The following ERC2 variants were observed in gnomAD, a reference collection of about 807,000 sequenced individuals.
ERC2 encodes the protein ERC protein 2.
Under a neutral mutation model 114.8 loss-of-function variants are expected in ERC2, and 42 were observed. The observed-to-expected ratio is 0.37, with a 90% CI of 0.29 to 0.47. The LOEUF (loss-of-function observed/expected upper bound fraction) is 0.47. Among genes scored for constraint, ERC2 ranks in the 20% least tolerant of loss-of-function variants. The probability of loss-of-function intolerance (pLI) is 0.99; values close to 1 mark genes in which losing one functional copy is unlikely to be tolerated. For missense variants in ERC2, 939 were observed against 1,150.7 expected (o/e 0.82, Z 2.66); for synonymous variants, 454 against 425.5 (o/e 1.07, Z -0.82).
chr3:56,018,999 T>G lies in ERC2; in HGVS notation c.1674A>C (p.Lys558Asn). The G allele has an allele frequency of 6.2e-7, 1 of 1,612,640 alleles. No homozygotes were observed. The highest frequency in any genetic ancestry group is 8.5e-7 in the Non-Finnish European group (1 of 1,179,198). Reference protein sequence around the residue: ...IENLQEQLRDKDKQLTNLKDR... With the variant: ...IENLQEQLRDNDKQLTNLKDR... Reference sequence around the variant, plus strand: ...CTTTCAGGTTGGTCAGTTGCTTGTCTTTATCCCTAAGTTGTTCTTGCAAGT... The same window carrying G: ...CTTTCAGGTTGGTCAGTTGCTTGTCGTTATCCCTAAGTTGTTCTTGCAAGT... Residue 558 changes from lysine (K) to asparagine (N), a missense_variant, in exon 8 of 18, where the codon AAA becomes AAC. Physicochemically the swap from Lys to Asn is moderately conservative, Grantham distance 94 (BLOSUM62 0). Transcript: ENST00000288221.
chr3:55,676,862 G>A (rs1051461005), intron 17 of ERC2, among the ~76,000 whole-genome samples: 6 of 152,222 alleles, frequency 3.9e-5, no homozygotes, highest in South Asian at 2.1e-4. Flanking sequence ...GACGCCTCCC[G>A]CCTCTGGCCC....
At chr3:55,834,307 A>T (rs1559733733) in intron 14 of ERC2, among the ~76,000 whole-genome samples, 1 of 151,986 alleles carries the variant, frequency 6.6e-6, no homozygotes. Context: ...CAGAATATAC[A>T]TTTTTTTCAG....
At chr3:55,534,195 G>T (rs969935509) in intron 17 of ERC2, among the ~76,000 whole-genome samples, 3 of 152,230 alleles carry the variant, frequency 2.0e-5, no homozygotes, top group African/African-American at 7.2e-5. Flanking sequence ...AAGGTAGGAG[G>T]ATTGCTTGAG....
At chr3:55,560,017 G>A (rs2055896208) in intron 17 of ERC2, among the ~76,000 whole-genome samples, 3 of 152,226 alleles carry the variant, frequency 2.0e-5, no homozygotes, top group African/African-American at 7.2e-5. Flanking sequence ...GGCTGCTGAA[G>A]GAACTTTAGC....
At chr3:55,792,536 C>G (rs1559662151) in intron 14 of ERC2, among the ~76,000 whole-genome samples, 1 of 152,160 alleles carries the variant, frequency 6.6e-6, no homozygotes, top group Non-Finnish European at 1.5e-5. Context: ...AATAGGCCTT[C>G]AATAAACATT....
chr3:55,716,209 T>A (rs1576281966), intron 15 of ERC2, among the ~76,000 whole-genome samples: 1 of 152,100 alleles, frequency 6.6e-6, no homozygotes, highest in East Asian at 1.9e-4. Flanking sequence ...AAAGCCAACC[T>A]CTCACTTTCC....
chr3:56,207,434 G>C (rs772041956), intron 3 of ERC2, among the ~76,000 whole-genome samples: 1 of 151,506 alleles, frequency 6.6e-6, no homozygotes, highest in Admixed American at 6.6e-5. Context: ...TTATATTTCT[G>C]TACTTACTAA....
intron 14 of ERC2, chr3:55,852,613 A>G (rs2061622870): frequency 6.5e-6 from 1 of 153,036 alleles, no homozygotes; most frequent in African/African-American, 2.4e-5. Flanking sequence ...ATCTTGCAGC[A>G]GAATTAATGA....
At chr3:56,311,439 C>A (rs1363928480) in intron 2 of ERC2, among the ~76,000 whole-genome samples, 1 of 151,058 alleles carries the variant, frequency 6.6e-6, no homozygotes, top group African/African-American at 2.4e-5. Flanking sequence ...GCTGGGACTA[C>A]AGGTGCCCGC....
chr3:55,514,129 G>C (rs1040978420), intron 17 of ERC2, among the ~76,000 whole-genome samples: 4 of 152,198 alleles, frequency 2.6e-5, no homozygotes, highest in Non-Finnish European at 4.4e-5. Context: ...AAGCGAGGTG[G>C]CACATGCCTG....
At chr3:56,137,864 T>C (rs2080603464) in intron 6 of ERC2, among the ~76,000 whole-genome samples, 2 of 152,164 alleles carry the variant, frequency 1.3e-5, no homozygotes, top group African/African-American at 4.8e-5. Context: ...TAATTAATTT[T>C]AGTTTAAATA....
At chr3:55,828,012 AG>A (rs2060404079) in intron 14 of ERC2, among the ~76,000 whole-genome samples, 1 of 152,274 alleles carries the variant, frequency 6.6e-6, no homozygotes, top group Non-Finnish European at 1.5e-5. Flanking sequence ...GAAAGTTGTC[AG>A]CCATTTTAAA....
At chr3:56,416,925 A>G (rs2061186015) in intron 2 of ERC2, among the ~76,000 whole-genome samples, 1 of 152,216 alleles carries the variant, frequency 6.6e-6, no homozygotes, top group Non-Finnish European at 1.5e-5. Flanking sequence ...TGCCAGTAGA[A>G]AGTAGGTAGA....
intron 13 of ERC2, among the ~76,000 whole-genome samples, chr3:55,947,903 T>A (rs2067233294): frequency 6.6e-6 from 1 of 152,230 alleles, no homozygotes; most frequent in Admixed American, 6.5e-5. Flanking sequence ...ACAAGCCTGT[T>A]TCTTATGTTA....
intron 17 of ERC2, among the ~76,000 whole-genome samples, chr3:55,547,098 G>T (rs886228414): frequency 1.3e-5 from 2 of 152,246 alleles, no homozygotes; most frequent in Non-Finnish European, 2.9e-5. Flanking sequence ...CTGTAGGGGC[G>T]TTAGCAAAGA....
rs369943608 is a variant in ERC2 at position 55,509,915 on chromosome 3, C to A, written c.*1401G>T. 1 of 152,610 alleles carries A rather than the reference C, an allele frequency of 6.6e-6. No homozygotes were observed. The highest frequency in any genetic ancestry group is 1.5e-5 in the Non-Finnish European group (1 of 68,036). 9.5% of individuals were successfully genotyped at this position (152,610 alleles called of 1,614,324 possible). A position where few individuals can be genotyped will look rare whatever the true frequency, so the allele number is the denominator to read the frequency against. ...CAGGTTTTCATCTCCCACTTGCATA[C>A]ACGTGGAAGGGTTTCTTCCATTGAC... On this transcript the variant is annotated 3_prime_UTR_variant, in exon 18 of 18. Coordinates refer to ENST00000288221, the MANE Select transcript of ERC2 (RefSeq NM_015576.3).
chr3:55,641,095 A>C (rs2060160635), intron 17 of ERC2, among the ~76,000 whole-genome samples: 1 of 152,054 alleles, frequency 6.6e-6, no homozygotes, highest in African/African-American at 2.4e-5. Context: ...CTGTTTTTCT[A>C]TTTTATGGGG....
chr3:56,292,223 T>C (rs975176368), intron 3 of ERC2, among the ~76,000 whole-genome samples: 1 of 152,046 alleles, frequency 6.6e-6, no homozygotes, highest in Non-Finnish European at 1.5e-5. Flanking sequence ...TTTTCTCTCA[T>C]AACACATATC....
At chr3:56,241,097 GTTAC>G (rs2051291091) in intron 3 of ERC2, among the ~76,000 whole-genome samples, 1 of 152,036 alleles carries the variant, frequency 6.6e-6, no homozygotes, top group Non-Finnish European at 1.5e-5. Flanking sequence ...CTGTTTCTGA[GTTAC>G]TTCACTTAGG....
Sources: gnomAD v4.1 joint callset for allele counts (sites outside exome capture counted in the v4.1 genomes callset) on GRCh38, gnomAD v4.1.1 for gene constraint, MANE v1.5 for transcripts, NCBI Gene and HGNC (gene_info 2026-07-23, HGNC 2026-07-21) for gene names.